Variants in DHRS12 observed in about 807,000 individuals in gnomAD.
The protein encoded by DHRS12 is dehydrogenase/reductase 12, also known as dehydrogenase/reductase SDR family member 12.
DHRS12 carries 29 observed loss-of-function variants against 32.1 expected under a neutral mutation model. The ratio of observed to expected loss-of-function variants is 0.90; its 90% CI spans 0.67 to 1.23. The LOEUF (loss-of-function observed/expected upper bound fraction) is 1.23. DHRS12 is among the 50% of genes most tolerant of loss of function. The pLI, the probability that DHRS12 is intolerant of heterozygous loss-of-function variation, is 0.00. For missense variants in DHRS12, 330 were observed against 337.2 expected (o/e 0.98, Z 0.17); for synonymous variants, 150 against 135.9 (o/e 1.10, Z -0.72).
chr13:51,781,538 C>T (rs1954707428), intron 4 of DHRS12, among the ~76,000 whole-genome samples: 3 of 152,104 alleles, frequency 2.0e-5, no homozygotes, highest in South Asian at 4.1e-4. Context: ...GCTATGGGCA[C>T]ATGGGGGTGG....
chr13:51,769,099 C>A, intron 8 of DHRS12, 57 bp downstream of exon 8: 1 of 1,547,030 alleles, frequency 6.5e-7, no homozygotes, highest in South Asian at 1.2e-5. Flanking sequence ...GCCTCGAAGG[C>A]CCAGCTGCTG....
At chr13:51,770,028 G>T (rs1251615033) in intron 7 of DHRS12, among the ~76,000 whole-genome samples, 1 of 152,150 alleles carries the variant, frequency 6.6e-6, no homozygotes, top group Admixed American at 6.5e-5. Context: ...GTTCTCTCTC[G>T]AAGCCAAGGA....
chr13:51,777,138 C>T lies in DHRS12; in HGVS notation c.302-17G>A. The T allele has an allele frequency of 6.2e-7, 1 of 1,613,944 alleles. No homozygotes were observed. The highest frequency in any genetic ancestry group is 1.3e-5 in the African/African-American group (1 of 75,046). On this transcript the variant is annotated splice_polypyrimidine_tract_variant and intron_variant, in intron 4 of 8. Transcript: ENST00000444610. ...TGTACACACCTGAGGCAGCACACAG[C>T]ATCCCATGAGGGGGCTGCAGGAAGC...
chr13:51,799,769 C>T, intron 1 of DHRS12, 102 bp from the exon 2 acceptor site: 3 of 1,402,228 alleles, frequency 2.1e-6, no homozygotes, highest in Admixed American at 1.9e-5. Flanking sequence ...TTGCTGTCTC[C>T]GCCTCTCCCA....
chr13:51,787,740 ATAT>A (rs982800764), intron 4 of DHRS12, among the ~76,000 whole-genome samples: 1 of 119,204 alleles, frequency 8.4e-6, no homozygotes, highest in African/African-American at 3.0e-5. Context: ...ACATATAATT[ATAT>A]TATATATTTT....
rs1953834146 is a variant in DHRS12 at position 51,768,135 on chromosome 13, C to T, written c.*52G>A. 2 of 1,535,162 alleles carry T rather than the reference C, an allele frequency of 1.3e-6. No homozygotes were observed. Among genetic ancestry groups the T allele is most frequent in the Non-Finnish European group, 1.7e-6 (2 of 1,146,274 alleles). ...CTTATTCACTGGTCCCTAGACCGCA[C>T]CTTCTGGTATCTTCTAAGGCAATTC... On this transcript the variant is annotated 3_prime_UTR_variant, in exon 9 of 9. Coordinates refer to ENST00000444610, the MANE Select transcript of DHRS12 (RefSeq NM_001377533.1).
intron 5 of DHRS12, chr13:51,775,821 CTACAG>C (rs538730105): frequency 9.9e-6 from 1 of 100,548 alleles, no homozygotes; most frequent in African/African-American, 5.8e-5. Flanking sequence ...ATGTATTCTC[CTACAG>C]TACATGTATT....
At position 51,791,271 on chromosome 13, in the gene DHRS12, CAA is replaced by C. The variant is rs11309708; in HGVS notation, c.127-16_127-15del. ...CAGAAAAATGTTCTAAATTAGAAAG[CAA>C]AAAAAAAAAAAACCCTTTTTAAAAA... On this transcript the variant is annotated splice_polypyrimidine_tract_variant and intron_variant, in intron 2 of 8. Transcript: ENST00000444610. The C allele has an allele frequency of 0.014, 12,432 of 884,428 alleles. No homozygotes were observed. Among genetic ancestry groups the C allele is most frequent in the East Asian group, 0.028 (818 of 29,480 alleles). 54.8% of individuals were successfully genotyped at this position (884,428 alleles called of 1,614,324 possible).
chr13:51,799,065 C>T (rs1171492186), intron 2 of DHRS12, among the ~76,000 whole-genome samples: 1 of 152,182 alleles, frequency 6.6e-6, no homozygotes, highest in Non-Finnish European at 1.5e-5. Flanking sequence ...ACTCCTCTCT[C>T]CAGGTATTTT....
intron 4 of DHRS12, among the ~76,000 whole-genome samples, chr13:51,788,629 G>A (rs549675082): frequency 4.6e-5 from 7 of 152,032 alleles, no homozygotes; most frequent in Non-Finnish European, 8.8e-5. Flanking sequence ...AGGATTGCTA[G>A]AGGCCAAGAG....
At chr13:51,759,164 G>A in the DHRS12 span, among the ~76,000 whole-genome samples, 6 of 152,192 alleles carry the variant, frequency 3.9e-5, no homozygotes, top group African/African-American at 1.4e-4. Flanking sequence ...CTGGGTGACA[G>A]AGCAAGACCC....
chr13:51,757,489 A>G, the DHRS12 span, among the ~76,000 whole-genome samples: 7 of 151,986 alleles, frequency 4.6e-5, no homozygotes, highest in African/African-American at 1.4e-4. Flanking sequence ...AGCCCACTGC[A>G]GTGGAGTGGG....
chr13:51,767,462 G>A (rs1953785234), downstream of DHRS12: 1 of 152,198 alleles, frequency 6.6e-6, no homozygotes, highest in African/African-American at 2.4e-5. Flanking sequence ...GCAGCCGTCT[G>A]GGTTTTCCTC....
chr13:51,797,760 T>C, intron 2 of DHRS12: 1 of 1,463,170 alleles, frequency 6.8e-7, no homozygotes, highest in Non-Finnish European at 9.2e-7. Flanking sequence ...CGGGTAGGAG[T>C]CCAGCCTCCT....
At chr13:51,774,268 AG>A (rs1954214421) in intron 5 of DHRS12, 1 of 366,996 alleles carries the variant, frequency 2.7e-6, no homozygotes, top group Admixed American at 6.6e-5. Context: ...ATTCTCCTAC[AG>A]TATTCTCCTA....
At chr13:51,803,992 C>A in intron 1 of DHRS12, 62 bp downstream of exon 1, 1 of 1,385,940 alleles carries the variant, frequency 7.2e-7, no homozygotes, top group South Asian at 1.5e-5. Flanking sequence ...CAACCCTGCT[C>A]GCCCGCGCCG....
intron 2 of DHRS12, among the ~76,000 whole-genome samples, chr13:51,798,275 G>C (rs867653266): frequency 6.6e-6 from 1 of 152,142 alleles, no homozygotes; most frequent in Non-Finnish European, 1.5e-5. Context: ...AGATCTAGGC[G>C]ATAGGCCCAG....
chr13:51,782,051 A>G lies in DHRS12; in HGVS notation c.302-4930T>C, dbSNP rs990256341. Among the ~76,000 whole-genome samples, 2 of 152,072 alleles carry G rather than the reference A, an allele frequency of 1.3e-5. No individual in the cohort carries two copies. The highest frequency in any genetic ancestry group is 6.5e-5 in the Admixed American group (1 of 15,270). ...GTCCAAAGGCACGATCACTGCTTGG[A>G]TATGAGAAGTGAGGGGGTGTCAAGG... On this transcript the variant is annotated intron_variant, in intron 4 of 8. Transcript: ENST00000444610. This position sits in a 1 kb window ranked among gnomAD's most constrained non-coding sequence, Gnocchi z 4.2.
At chr13:51,793,808 C>T (rs1955390001) in intron 2 of DHRS12, among the ~76,000 whole-genome samples, 1 of 152,192 alleles carries the variant, frequency 6.6e-6, no homozygotes, top group Non-Finnish European at 1.5e-5. Flanking sequence ...TACCAGAAAG[C>T]GCTGTGTAAC....
Sources: allele counts gnomAD v4.1 joint callset (sites outside exome capture counted in the v4.1 genomes callset), GRCh38; gene constraint gnomAD v4.1.1; non-coding constraint Gnocchi (gnomAD v3.1); transcripts MANE v1.5; gene names NCBI Gene and HGNC (gene_info 2026-07-23, HGNC 2026-07-21).